Variants in TTC33 observed in about 807,000 individuals in gnomAD.
The protein encoded by TTC33 is tetratricopeptide repeat protein 33.
TTC33 carries 24 observed loss-of-function variants against 29.4 expected under a neutral mutation model. The observed-to-expected ratio is 0.82, with a 90% CI of 0.59 to 1.15. The LOEUF (loss-of-function observed/expected upper bound fraction) is 1.15. Ranked by LOEUF, TTC33 falls within the 50% of genes most tolerant of loss-of-function variation. The probability of loss-of-function intolerance (pLI) is 0.00; values close to 1 mark genes in which losing one functional copy is unlikely to be tolerated. For synonymous variants in TTC33, 107 were observed against 100.3 expected (o/e 1.07, Z -0.40); for missense variants, 286 against 310.4 (o/e 0.92, Z 0.59).
At chr5:40,724,722 T>C (rs1270460724) in intron 4 of TTC33, among the ~76,000 whole-genome samples, 1 of 152,098 alleles carries the variant, frequency 6.6e-6, no homozygotes, top group Non-Finnish European at 1.5e-5. Flanking sequence ...AACTCAATTC[T>C]TAAGTGTCAA....
rs1332825177 is a variant in TTC33, at chr5:40,715,506, G to C, written c.*639C>G. 3 of 152,226 alleles carry C rather than the reference G, an allele frequency of 2.0e-5. No homozygotes were observed. The highest frequency in any genetic ancestry group is 2.9e-5 in the Non-Finnish European group (2 of 67,990). The allele number at this position is 152,226 out of a possible 1,614,324, so 9.4% of individuals were successfully genotyped here. On this transcript the variant is annotated 3_prime_UTR_variant, in exon 5 of 5. Coordinates refer to ENST00000337702, the MANE Select transcript of TTC33 (RefSeq NM_012382.3). ...TTTACACTTTTACCAAATACTGAAG[G>C]AGACAACTATCATTGTTACAACTTC...
At chr5:40,728,980 G>T (rs1001004132) in intron 3 of TTC33, among the ~76,000 whole-genome samples, 2 of 152,180 alleles carry the variant, frequency 1.3e-5, no homozygotes, top group Non-Finnish European at 2.9e-5. Context: ...TAGGGTTAGG[G>T]TTAGGGTTAG....
chr5:40,725,005 C>G (rs1017950490), intron 4 of TTC33, among the ~76,000 whole-genome samples: 4 of 151,922 alleles, frequency 2.6e-5, no homozygotes, highest in African/African-American at 9.7e-5. Context: ...CACCACCATG[C>G]CTGGCTAATT....
intron 4 of TTC33, among the ~76,000 whole-genome samples, chr5:40,718,036 T>G (rs1275453158): frequency 2.6e-5 from 4 of 151,430 alleles, no homozygotes; most frequent in African/African-American, 4.9e-5. Flanking sequence ...TGCTCCAGCC[T>G]GGGCAACAAG....
intron 2 of TTC33, among the ~76,000 whole-genome samples, chr5:40,732,043 A>T (rs942892782): frequency 2.0e-4 from 30 of 152,252 alleles, no homozygotes; most frequent in African/African-American, 6.5e-4. Flanking sequence ...AATTATTTTG[A>T]GAGACAGAGT....
At chr5:40,738,944 C>A (rs1260129570) in intron 2 of TTC33, among the ~76,000 whole-genome samples, 1 of 152,204 alleles carries the variant, frequency 6.6e-6, no homozygotes, top group Non-Finnish European at 1.5e-5. Flanking sequence ...ACTCTGGAAA[C>A]AAGTCCTACG....
At chr5:40,753,372 A>AAAAG (rs200588087) in intron 1 of TTC33, among the ~76,000 whole-genome samples, 12,019 of 151,264 alleles carry the variant, frequency 0.079, 618 homozygotes, top group East Asian at 0.24. Context: ...CTCAAAAAAA[A>AAAAG]AAAGAAAGAA....
chr5:40,725,940 C>T (rs1301614149), intron 4 of TTC33, among the ~76,000 whole-genome samples: 16 of 152,026 alleles, frequency 1.1e-4, no homozygotes, highest in Non-Finnish European at 2.9e-5. Context: ...CGCCCGCCAC[C>T]ACGTCCAGCT....
intron 2 of TTC33, among the ~76,000 whole-genome samples, chr5:40,742,943 T>C (rs1351693670): frequency 6.6e-6 from 1 of 152,212 alleles, no homozygotes; most frequent in Non-Finnish European, 1.5e-5. Flanking sequence ...CACAGCTTTA[T>C]AAATATTTAC....
At chr5:40,719,879 TTA>T (rs1742088428) in intron 4 of TTC33, among the ~76,000 whole-genome samples, 1 of 152,222 alleles carries the variant, frequency 6.6e-6, no homozygotes, top group South Asian at 2.1e-4. Context: ...TATTTTTAAA[TTA>T]CATTATTTGT....
chr5:40,737,609 A>G (rs1177632106), intron 2 of TTC33, among the ~76,000 whole-genome samples: 1 of 152,198 alleles, frequency 6.6e-6, no homozygotes, highest in Non-Finnish European at 1.5e-5. Context: ...TATATCAAAA[A>G]ACGTACCCAC....
In TTC33 at chr5:40,715,023, A is replaced by G. The variant is rs531571395; in HGVS notation, c.*1122T>C. The G allele has an allele frequency of 1.3e-5, 2 of 151,938 alleles. No homozygotes were observed. The highest frequency in any genetic ancestry group is 1.5e-5 in the Non-Finnish European group (1 of 67,920). The allele number at this position is 151,938 out of a possible 1,614,324, so 9.4% of individuals were successfully genotyped here. A position where few individuals can be genotyped will look rare whatever the true frequency, so the allele number is the denominator to read the frequency against. On this transcript the variant is annotated 3_prime_UTR_variant, in exon 5 of 5. Coordinates refer to ENST00000337702, the MANE Select transcript of TTC33 (RefSeq NM_012382.3). The stretch of plus-strand genomic sequence containing the variant: ...AATATGACTGTGGACTTTCAATAAA[A>G]TTTTTTTTAATATAGCCTTTTCATA...
At position 40,746,999 on chromosome 5, in the gene TTC33, T is replaced by C. The variant is rs1297493301; in HGVS notation, c.20A>G (p.Lys7Arg). ...TGAGACCTTCTCACCAATTTTCCTC[T>C]TCCACCCAAAGGAAGCCATTCTGGA... MASFGWKRKIGEKVSKV... is the reference protein window; with the variant it reads MASFGWRRKIGEKVSKV... The change falls in exon 2 of 5, where the codon AAG becomes AGG. Residue 7 changes from lysine to arginine, a missense_variant. Coordinates refer to ENST00000337702, the MANE Select transcript of TTC33 (RefSeq NM_012382.3). 6.2e-7 allele frequency: 1 copy of C among 1,613,572 alleles called. No individual in the cohort carries two copies. Among genetic ancestry groups the C allele is most frequent in the Non-Finnish European group, 8.5e-7 (1 of 1,179,848 alleles).
intron 2 of TTC33, among the ~76,000 whole-genome samples, chr5:40,743,879 C>A (rs1226248462): frequency 6.6e-6 from 1 of 152,178 alleles, no homozygotes; most frequent in Non-Finnish European, 1.5e-5. Context: ...GTTCTCCATC[C>A]AAAATAAAGC....
rs1053711259 is a variant in TTC33 at position 40,713,923 on chromosome 5, G to A, written c.*2222C>T. Reference sequence around the variant, plus strand: ...TCTCTTCACGCATAGAAGAGTATGAGCTAAAATAAGCATTTTGAGGGGCCT... The same window carrying A: ...TCTCTTCACGCATAGAAGAGTATGAACTAAAATAAGCATTTTGAGGGGCCT... On this transcript the variant is annotated 3_prime_UTR_variant, in exon 5 of 5. Transcript: ENST00000337702. Among the ~76,000 whole-genome samples, 1 of 152,170 alleles carries A rather than the reference G, an allele frequency of 6.6e-6. No individual in the cohort carries two copies. The highest frequency in any genetic ancestry group is 1.5e-5 in the Non-Finnish European group (1 of 68,024).
intron 2 of TTC33, among the ~76,000 whole-genome samples, chr5:40,743,372 G>A: frequency 6.6e-6 from 1 of 152,178 alleles, no homozygotes; most frequent in East Asian, 1.9e-4. Context: ...GTGAAAATAA[G>A]CACAGTTTAA....
chr5:40,755,422 CAG>C (rs1401072077), intron 1 of TTC33, among the ~76,000 whole-genome samples: 1 of 152,254 alleles, frequency 6.6e-6, no homozygotes, highest in Non-Finnish European at 1.5e-5. Flanking sequence ...TAAAAACGCT[CAG>C]AAAGGCTGCC....
In TTC33 at chr5:40,712,405, C is replaced by T. The variant is rs2111850206; in HGVS notation, c.*3740G>A. ...TCATAAAATAATGTCCCTCTCCTCTCCTGACCTCTGAACCACTTGAGACAC... is the reference window on the plus strand; with the variant it reads ...TCATAAAATAATGTCCCTCTCCTCTTCTGACCTCTGAACCACTTGAGACAC... On this transcript the variant is annotated 3_prime_UTR_variant, in exon 5 of 5. Coordinates refer to ENST00000337702, the MANE Select transcript of TTC33 (RefSeq NM_012382.3). Among the ~76,000 whole-genome samples, 1 of 152,248 alleles carries T rather than the reference C, an allele frequency of 6.6e-6. No individual in the cohort carries two copies. Among genetic ancestry groups the T allele is most frequent in the East Asian group, 1.9e-4 (1 of 5,190 alleles).
chr5:40,716,405 G>A lies in TTC33; in HGVS notation c.529C>T (p.Gln177Ter). 6.2e-7 allele frequency: 1 copy of A among 1,613,892 alleles called. No homozygotes were observed. The highest frequency in any genetic ancestry group is 8.5e-7 in the Non-Finnish European group (1 of 1,180,010). ...DLSWARTLQE[Q>*]QKVAQRIKKS... ...TTAATCCTCTGTGCTACCTTCTGCT[G>A]CTCCTGGAGCGTTCTTGCCCAAGAG... Residue 177 changes from glutamine (Q) to a stop codon, truncating the protein, a stop_gained, in exon 5 of 5, where the codon CAG becomes TAG. Transcript: ENST00000337702. LOFTEE classifies it high-confidence loss of function.
Sources: allele counts gnomAD v4.1 joint callset (sites outside exome capture counted in the v4.1 genomes callset), GRCh38; gene constraint gnomAD v4.1.1; transcripts MANE v1.5; gene names NCBI Gene and HGNC (gene_info 2026-07-23, HGNC 2026-07-21).